The following MOSMO variants were observed in gnomAD, a reference collection of about 807,000 sequenced individuals.
The protein encoded by MOSMO is modulator of smoothened protein.
Under a neutral mutation model 18.4 loss-of-function variants are expected in MOSMO, and 5 were observed. The observed-to-expected ratio is 0.27, with a 90% CI of 0.14 to 0.57. MOSMO has a LOEUF of 0.57. Ranked by LOEUF, MOSMO falls within the 20% of genes least tolerant of loss-of-function variation. MOSMO has a pLI of 0.92. For missense variants in MOSMO, 138 were observed against 211.8 expected, an observed-to-expected ratio of 0.65 and a Z score of 2.16; for synonymous variants, 82 against 82.3, an observed-to-expected ratio of 1.00 and a Z score of 0.02.
intron 2 of MOSMO, among the ~76,000 whole-genome samples, chr16:22,077,985 T>G (rs1468159195): frequency 2.6e-5 from 4 of 152,094 alleles, no homozygotes; most frequent in Non-Finnish European, 5.9e-5. Flanking sequence ...ATAGTTTTCA[T>G]AATAATGTAA....
At position 22,081,020 on chromosome 16, in the gene MOSMO, G is replaced by GAA. The variant is rs142136686; in HGVS notation, c.*148_*149dup. 2.8e-4 allele frequency: 90 copies of GAA among 322,430 alleles called. No individual in the cohort carries two copies. The highest frequency in any genetic ancestry group is 1.4e-3 in the South Asian group (10 of 7,402). The allele number at this position is 322,430 out of a possible 1,614,324, so 20.0% of individuals were successfully genotyped here. A position where few individuals can be genotyped will look rare whatever the true frequency, so the allele number is the denominator to read the frequency against. On this transcript the variant is annotated 3_prime_UTR_variant, in exon 3 of 3. Transcript: ENST00000542527. ...CTCAGATGAAACTGATGCTGAGAAG[G>GAA]AAAAAAAAATGCTTTGGTTTGTTCT...
intron 1 of MOSMO, among the ~76,000 whole-genome samples, chr16:22,031,716 C>T (rs1899997568): frequency 6.6e-6 from 1 of 152,212 alleles, no homozygotes; most frequent in Non-Finnish European, 1.5e-5. Context: ...AATGATATTT[C>T]ATTGTATAGA....
intron 1 of MOSMO, among the ~76,000 whole-genome samples, chr16:22,029,713 C>T (rs747388293): frequency 6.6e-6 from 1 of 152,280 alleles, no homozygotes; most frequent in East Asian, 1.9e-4. Context: ...ACAGCCTTGA[C>T]GCCCTAGGCT....
At chr16:22,067,672 C>T (rs1237088683) in intron 1 of MOSMO, among the ~76,000 whole-genome samples, 1 of 152,016 alleles carries the variant, frequency 6.6e-6, no homozygotes, top group Non-Finnish European at 1.5e-5. Context: ...CCAGCCTGGT[C>T]AACATGGTGA....
At chr16:22,061,580 C>A (rs945354358) in intron 1 of MOSMO, among the ~76,000 whole-genome samples, 9 of 152,164 alleles carry the variant, frequency 5.9e-5, no homozygotes, top group African/African-American at 1.9e-4. Context: ...CTTCATGTGT[C>A]CTTCATACAT....
At chr16:22,032,632 G>A (rs980967031) in intron 1 of MOSMO, among the ~76,000 whole-genome samples, 2 of 152,106 alleles carry the variant, frequency 1.3e-5, no homozygotes, top group East Asian at 3.9e-4. Flanking sequence ...CTGCAGCCTC[G>A]AATTCCTGGG....
At chr16:22,047,240 T>A (rs951351759) in intron 1 of MOSMO, among the ~76,000 whole-genome samples, 4 of 135,690 alleles carry the variant, frequency 2.9e-5, no homozygotes, top group Admixed American at 2.2e-4. Context: ...GCACCATAAT[T>A]TTTTTTTTTT....
intron 1 of MOSMO, among the ~76,000 whole-genome samples, chr16:22,013,169 C>G (rs556872184): frequency 6.6e-6 from 1 of 152,226 alleles, no homozygotes; most frequent in Non-Finnish European, 1.5e-5. Flanking sequence ...CTTTGACATC[C>G]ATTACTTGAT....
chr16:22,010,256 A>G (rs1450044890), intron 1 of MOSMO, among the ~76,000 whole-genome samples: 1 of 152,208 alleles, frequency 6.6e-6, no homozygotes, highest in Non-Finnish European at 1.5e-5. Context: ...AGAACTCTTA[A>G]TTGTAAAAGA....
At chr16:22,020,613 G>A (rs763889516) in intron 1 of MOSMO, among the ~76,000 whole-genome samples, 2 of 152,114 alleles carry the variant, frequency 1.3e-5, no homozygotes, top group Non-Finnish European at 2.9e-5. Context: ...AATATTATAA[G>A]ATGAAACTTA....
chr16:22,026,215 CTTTTTTTTT>C (rs1230886620), intron 1 of MOSMO, among the ~76,000 whole-genome samples: 1 of 122,150 alleles, frequency 8.2e-6, no homozygotes, highest in Non-Finnish European at 1.8e-5. Context: ...GAATTGCATT[CTTTTTTTTT>C]TTTTTTTTTT....
intron 1 of MOSMO, among the ~76,000 whole-genome samples, chr16:22,009,100 A>G (rs554269762): frequency 1.3e-3 from 197 of 152,020 alleles, no homozygotes; most frequent in African/African-American, 4.7e-3. Flanking sequence ...CCCGCTTGGC[A>G]ATGTTTGAGA....
In MOSMO at chr16:22,012,089, C is replaced by T. The variant is rs552071096; in HGVS notation, c.106+3682C>T. On this transcript the variant is annotated intron_variant, in intron 1 of 2. Transcript: ENST00000542527. ...GCAACAAAAAGTTAATGTGTTGGTT[C>T]CCTTTGGTGTATTATATTCAGTCTA... Among the ~76,000 whole-genome samples the T allele has an allele frequency of 2.0e-5, 3 of 152,168 alleles. No individual in the cohort carries two copies. The South Asian group carries it at 6.2e-4, about 32-fold the overall frequency.
At chr16:22,079,089 C>T (rs1041427958) in intron 2 of MOSMO, among the ~76,000 whole-genome samples, 1 of 152,124 alleles carries the variant, frequency 6.6e-6, no homozygotes, top group African/African-American at 2.4e-5. Context: ...TGTTTTTTCT[C>T]ATTGTATTGC....
At chr16:22,018,349 T>C (rs1244993433) in intron 1 of MOSMO, among the ~76,000 whole-genome samples, 3 of 152,282 alleles carry the variant, frequency 2.0e-5, no homozygotes, top group Middle Eastern at 3.4e-3. Flanking sequence ...ATTTCAGCCA[T>C]AATAATAGAA....
chr16:22,016,683 T>C (rs185697947), intron 1 of MOSMO, among the ~76,000 whole-genome samples: 1 of 152,282 alleles, frequency 6.6e-6, no homozygotes, highest in Non-Finnish European at 1.5e-5. Flanking sequence ...CAAACCAACA[T>C]GTAGCCAAGT....
chr16:22,088,054 G>A (rs1901220727), downstream of MOSMO, among the ~76,000 whole-genome samples: 2 of 151,210 alleles, frequency 1.3e-5, no homozygotes, highest in Non-Finnish European at 2.9e-5. Context: ...TTTGAGACAG[G>A]GTCTTGCTCT....
rs1901136486 is a variant in MOSMO, at chr16:22,084,504, T to C, written c.*3624T>C. 6.6e-6 allele frequency: 1 copy of C among 152,176 alleles called. No individual in the cohort carries two copies. The highest frequency in any genetic ancestry group is 2.4e-5 in the African/African-American group (1 of 41,446). The allele number at this position is 152,176 out of a possible 1,614,324, so 9.4% of individuals were successfully genotyped here. On this transcript the variant is annotated 3_prime_UTR_variant, in exon 3 of 3. Coordinates refer to ENST00000542527, the MANE Select transcript of MOSMO (RefSeq NM_001164579.2). ...ATATTATCCCAAACTTTATTAAGAATTGTTTTCTAATTGGTTATAACATTT... is the reference window on the plus strand; with the variant it reads ...ATATTATCCCAAACTTTATTAAGAACTGTTTTCTAATTGGTTATAACATTT...
chr16:22,036,071 T>C (rs1321915819), intron 1 of MOSMO, among the ~76,000 whole-genome samples: 2 of 152,198 alleles, frequency 1.3e-5, no homozygotes, highest in African/African-American at 4.8e-5. Context: ...CTCCAGTACA[T>C]GTCGAATAGA....
Sources: allele counts gnomAD v4.1 joint callset (sites outside exome capture counted in the v4.1 genomes callset), GRCh38; gene constraint gnomAD v4.1.1; transcripts MANE v1.5; gene names NCBI Gene and HGNC (gene_info 2026-07-23, HGNC 2026-07-21).